The following MAGI2 variants were observed in gnomAD, a reference collection of about 807,000 sequenced individuals.
MAGI2 encodes the protein membrane associated guanylate kinase, WW and PDZ domain containing 2.
MAGI2 carries 35 observed loss-of-function variants against 133.3 expected under a neutral mutation model. The ratio of observed to expected loss-of-function variants is 0.26; its 90% CI spans 0.20 to 0.35. The LOEUF (loss-of-function observed/expected upper bound fraction) is 0.35, where lower values mean the gene tolerates loss of function less well. MAGI2 is among the 10% of genes least tolerant of loss of function. The probability of loss-of-function intolerance (pLI) is 1.00; values close to 1 mark genes in which losing one functional copy is unlikely to be tolerated. For synonymous variants in MAGI2, 729 were observed against 710.6 expected (o/e 1.03, Z -0.41); for missense variants, 1,636 against 1,863.4 (o/e 0.88, Z 2.25).
intron 2 of MAGI2, among the ~76,000 whole-genome samples, chr7:78,917,132 C>G (rs1336164496): frequency 2.0e-5 from 3 of 151,848 alleles, no homozygotes; most frequent in Non-Finnish European, 4.4e-5. Flanking sequence ...TGTCAAATAT[C>G]AATGAACTAA....
At chr7:78,623,991 T>C (rs1409985949) in intron 3 of MAGI2, among the ~76,000 whole-genome samples, 1 of 152,112 alleles carries the variant, frequency 6.6e-6, no homozygotes, top group Non-Finnish European at 1.5e-5. Context: ...CTCACTAGCA[T>C]CTGTTGTTTT....
intron 1 of MAGI2, among the ~76,000 whole-genome samples, chr7:79,075,306 T>G (rs1413831983): frequency 6.6e-6 from 1 of 152,212 alleles, no homozygotes; most frequent in Non-Finnish European, 1.5e-5. Context: ...TCTCCCAGGA[T>G]GAAGGAACTC....
At chr7:79,207,375 A>G (rs1328112251) in intron 1 of MAGI2, among the ~76,000 whole-genome samples, 2 of 152,020 alleles carry the variant, frequency 1.3e-5, no homozygotes, top group African/African-American at 2.4e-5. Context: ...GTAATGTTGC[A>G]GAACACAATA....
At chr7:79,007,265 T>C in intron 1 of MAGI2, 59 bp from the exon 2 acceptor site, 1 of 987,056 alleles carries the variant, frequency 1.0e-6, no homozygotes, top group Non-Finnish European at 1.6e-6. Context: ...AGCATGTAAT[T>C]TGATTCTGTC....
chr7:79,336,479 T>A (rs1049690496), intron 1 of MAGI2, among the ~76,000 whole-genome samples: 4 of 151,952 alleles, frequency 2.6e-5, no homozygotes, highest in African/African-American at 9.7e-5. Context: ...AATATGAAAA[T>A]AAAAACAAAT....
chr7:78,377,302 G>A (rs1469475802), intron 6 of MAGI2, among the ~76,000 whole-genome samples: 3 of 152,096 alleles, frequency 2.0e-5, no homozygotes, highest in African/African-American at 7.2e-5. Context: ...TAGTGCCAGA[G>A]TGGAGACTGT....
At chr7:78,037,865 T>C (rs1351619594) in intron 21 of MAGI2, among the ~76,000 whole-genome samples, 3 of 152,272 alleles carry the variant, frequency 2.0e-5, no homozygotes, top group African/African-American at 7.2e-5. Flanking sequence ...TGGTCCCCAT[T>C]TCTTTCGTTC....
intron 6 of MAGI2, among the ~76,000 whole-genome samples, chr7:78,418,833 T>G (rs890782842): frequency 6.6e-6 from 1 of 152,138 alleles, no homozygotes; most frequent in African/African-American, 2.4e-5. Context: ...TCGTACATAG[T>G]AAATGAGAAG....
At chr7:79,273,821 A>G (rs1434254768) in intron 1 of MAGI2, among the ~76,000 whole-genome samples, 1 of 152,052 alleles carries the variant, frequency 6.6e-6, no homozygotes, top group Non-Finnish European at 1.5e-5. Flanking sequence ...AGGCATTTTG[A>G]AACCTGTTCC....
intron 4 of MAGI2, among the ~76,000 whole-genome samples, chr7:78,511,931 T>TAAAAAA (rs369351062): frequency 2.1e-5 from 3 of 145,506 alleles, no homozygotes; most frequent in East Asian, 4.0e-4. Flanking sequence ...TCGTCTCTAC[T>TAAAAAA]AAAAAAAAAA....
chr7:78,978,866 T>C (rs962665847), intron 2 of MAGI2, among the ~76,000 whole-genome samples: 5 of 151,794 alleles, frequency 3.3e-5, no homozygotes, highest in Admixed American at 6.6e-5. Flanking sequence ...TTGTTATTCA[T>C]TGGAATACAG....
chr7:78,553,636 T>A (rs1002418266), intron 3 of MAGI2, among the ~76,000 whole-genome samples: 4 of 152,208 alleles, frequency 2.6e-5, no homozygotes, highest in Non-Finnish European at 5.9e-5. Context: ...CCCAACAATG[T>A]TCTAGACACT....
chr7:78,582,065 G>C (rs1306338185), intron 3 of MAGI2, among the ~76,000 whole-genome samples: 1 of 152,206 alleles, frequency 6.6e-6, no homozygotes, highest in East Asian at 1.9e-4. Flanking sequence ...AGGGGATGAT[G>C]AGAGTGACTT....
chr7:78,426,135 T>C (rs1165463850), intron 6 of MAGI2, among the ~76,000 whole-genome samples: 2 of 151,962 alleles, frequency 1.3e-5, no homozygotes, highest in African/African-American at 2.4e-5. Flanking sequence ...GCAACAGAAG[T>C]TGTAAAAAGG....
intron 21 of MAGI2, among the ~76,000 whole-genome samples, chr7:78,076,330 G>T (rs536143183): frequency 1.3e-5 from 2 of 151,940 alleles, no homozygotes; most frequent in Admixed American, 1.3e-4. Context: ...TTGGTGGCTT[G>T]CACCTGTAGT....
chr7:78,101,821 T>A (rs2151246534), intron 20 of MAGI2, among the ~76,000 whole-genome samples: 1 of 152,300 alleles, frequency 6.6e-6, no homozygotes, highest in Non-Finnish European at 1.5e-5. Context: ...ATTAGAACTC[T>A]TATTGAACTA....
chr7:78,731,053 G>C (rs1208339351), intron 2 of MAGI2, among the ~76,000 whole-genome samples: 2 of 151,508 alleles, frequency 1.3e-5, no homozygotes, highest in Non-Finnish European at 2.9e-5. Flanking sequence ...AAAAAAAAAA[G>C]CTCCTTACAA....
chr7:78,277,485 T>C (rs768124954), intron 9 of MAGI2, among the ~76,000 whole-genome samples: 4 of 152,136 alleles, frequency 2.6e-5, no homozygotes, highest in Non-Finnish European at 5.9e-5. Flanking sequence ...TTAGTAACAT[T>C]TCAAGAAGGC....
chr7:79,146,212 G>A (rs1370940337), intron 1 of MAGI2, among the ~76,000 whole-genome samples: 1 of 152,186 alleles, frequency 6.6e-6, no homozygotes, highest in Non-Finnish European at 1.5e-5. Flanking sequence ...ATGTGGAAGA[G>A]GGAGAGCAAA....
Sources: allele counts gnomAD v4.1 joint callset (sites outside exome capture counted in the v4.1 genomes callset), GRCh38; gene constraint gnomAD v4.1.1; transcripts MANE v1.5; gene names NCBI Gene and HGNC (gene_info 2026-07-23, HGNC 2026-07-21).